The following DSE variants were observed in gnomAD, a reference collection of about 807,000 sequenced individuals.
The protein encoded by DSE is dermatan sulfate epimerase.
A neutral mutation model predicts 84.4 loss-of-function variants in DSE; 36 were observed. The ratio of observed to expected loss-of-function variants is 0.43; its 90% CI spans 0.33 to 0.56. The LOEUF (loss-of-function observed/expected upper bound fraction) is 0.56, where lower values mean the gene tolerates loss of function less well. Among genes scored for constraint, DSE ranks in the 20% least tolerant of loss-of-function variants. The pLI is 0.06. For missense variants in DSE, 862 were observed against 1,169.6 expected (o/e 0.74, Z 3.84); for synonymous variants, 410 against 430.1 (o/e 0.95, Z 0.58).
At chr6:116,425,578 G>T (rs1200921508) in intron 2 of DSE, among the ~76,000 whole-genome samples, 1 of 151,678 alleles carries the variant, frequency 6.6e-6, no homozygotes, top group Non-Finnish European at 1.5e-5. Flanking sequence ...CCTGGAAAAT[G>T]ACAATGTAAT....
intron 2 of DSE, among the ~76,000 whole-genome samples, chr6:116,285,843 T>C (rs1045457235): frequency 6.6e-6 from 1 of 152,216 alleles, no homozygotes; most frequent in Non-Finnish European, 1.5e-5. Flanking sequence ...ATGTGTGGTA[T>C]TATTTCTGAG....
intron 2 of DSE, among the ~76,000 whole-genome samples, chr6:116,342,867 C>T (rs1476652183): frequency 6.6e-6 from 1 of 152,110 alleles, no homozygotes; most frequent in Admixed American, 6.5e-5. Context: ...CTGGGAAGCG[C>T]AAGGGGTCAG....
At chr6:116,321,836 C>T (rs1458664426) in intron 2 of DSE, among the ~76,000 whole-genome samples, 1 of 152,150 alleles carries the variant, frequency 6.6e-6, no homozygotes, top group Non-Finnish European at 1.5e-5. Context: ...CTCCCCTATA[C>T]TGTGTCATAA....
chr6:116,396,865 G>A (rs994454975), intron 1 of DSE, among the ~76,000 whole-genome samples: 1 of 152,128 alleles, frequency 6.6e-6, no homozygotes, highest in African/African-American at 2.4e-5. Context: ...GGAGGACAAA[G>A]AACATGATGA....
rs559675323 is a variant in DSE, at chr6:116,403,332, C to T, written c.416+3666C>T. 2.6e-5 allele frequency among the ~76,000 whole-genome samples: 4 copies of T among 151,438 alleles called. No homozygotes were observed. The East Asian group carries it at 7.7e-4, about 29-fold the overall frequency. On this transcript the variant is annotated intron_variant, in intron 2 of 5. Transcript: ENST00000644252. ...AAAATTAAAAAGGTATTATTTTAAT[C>T]CAATATATAATGGCAAAATATTCTT...
chr6:116,418,232 G>A (rs1299431181), intron 2 of DSE, among the ~76,000 whole-genome samples: 2 of 152,184 alleles, frequency 1.3e-5, no homozygotes. Context: ...TCAACAGGGA[G>A]AGGGTCATCT....
At chr6:116,346,450 C>G (rs1777974154) in intron 2 of DSE, among the ~76,000 whole-genome samples, 1 of 152,218 alleles carries the variant, frequency 6.6e-6, no homozygotes, top group Non-Finnish European at 1.5e-5. Context: ...CCCTGGGATA[C>G]AAGGCTGGTT....
chr6:116,392,110 G>A (rs1324507444), intron 1 of DSE, among the ~76,000 whole-genome samples: 1 of 152,164 alleles, frequency 6.6e-6, no homozygotes, highest in African/African-American at 2.4e-5. Flanking sequence ...GAAATAGTAT[G>A]TGAGACCACA....
chr6:116,367,045 G>A (rs1373316576), upstream of DSE: 2 of 152,254 alleles, frequency 1.3e-5, no homozygotes, highest in Non-Finnish European at 2.9e-5. Flanking sequence ...GTCATCTGGA[G>A]ATGAAGCAGT....
At chr6:116,365,253 G>A (rs928692881) in intron 2 of DSE, among the ~76,000 whole-genome samples, 2 of 151,282 alleles carry the variant, frequency 1.3e-5, no homozygotes, top group African/African-American at 4.9e-5. Flanking sequence ...CTGGGGCATC[G>A]GAAGTTCTTT....
At chr6:116,401,699 A>T (rs1354863143) in intron 2 of DSE, among the ~76,000 whole-genome samples, 24 of 152,166 alleles carry the variant, frequency 1.6e-4, no homozygotes, top group Non-Finnish European at 2.9e-5. Context: ...TTACAACACA[A>T]TTATGTGCTG....
chr6:116,412,509 A>T (rs1368307529), intron 2 of DSE: 1 of 152,366 alleles, frequency 6.6e-6, no homozygotes. Flanking sequence ...CTCCCACTGA[A>T]GCAGCCCTCC....
chr6:116,347,942 T>G (rs1778086462), intron 2 of DSE, among the ~76,000 whole-genome samples: 1 of 151,212 alleles, frequency 6.6e-6, no homozygotes, highest in Non-Finnish European at 1.5e-5. Context: ...TTAAACAAAT[T>G]TATGAGAAAT....
At chr6:116,278,407 G>C (rs1331822379) in intron 2 of DSE, 8 of 1,461,048 alleles carry the variant, frequency 5.5e-6, no homozygotes, top group Non-Finnish European at 6.7e-6. Flanking sequence ...GTGCAGAAAA[G>C]TCAGCAAAAA....
intron 2 of DSE, among the ~76,000 whole-genome samples, chr6:116,289,186 T>C (rs1054823450): frequency 6.6e-6 from 1 of 152,062 alleles, no homozygotes; most frequent in African/African-American, 2.4e-5. Context: ...CAATAAAATG[T>C]GTACTTGGTG....
At chr6:116,306,822 G>C (rs76138980) in intron 2 of DSE, among the ~76,000 whole-genome samples, 2 of 152,244 alleles carry the variant, frequency 1.3e-5, no homozygotes, top group Non-Finnish European at 2.9e-5. Context: ...TGCCCTAAGA[G>C]CTCTCTTTGC....
chr6:116,382,055 G>GTGTGTA (rs1401281794), intron 1 of DSE, among the ~76,000 whole-genome samples: 1 of 151,774 alleles, frequency 6.6e-6, no homozygotes, highest in East Asian at 1.9e-4. Context: ...GTGTGTGTGT[G>GTGTGTA]TGTGTGTGTG....
chr6:116,436,143 A>G lies in DSE; in HGVS notation c.1675A>G (p.Ile559Val). The G allele has an allele frequency of 6.2e-7, 1 of 1,612,748 alleles. No individual in the cohort carries two copies. Among genetic ancestry groups the G allele is most frequent in the Non-Finnish European group, 8.5e-7 (1 of 1,179,744 alleles). The change falls in exon 6 of 6, where the codon ATC (isoleucine) becomes GTC (valine). Residue 559 changes from isoleucine to valine, a missense_variant. Ile to Val is a conservative substitution (Grantham distance 29, BLOSUM62 3). Around this residue, in one of 4 missense-constraint regions of DSE, gnomAD observed 186 missense variants for 255.1 expected, o/e 0.73. Transcript: ENST00000644252. ...LNLKNVQRNL[I>V]LLHPQLLLLV... ...CCTGAAGAATGTTCAGAGGAATCTC[A>G]TCCTCCTACATCCACAGCTGCTTCT...
At chr6:116,298,140 T>A (rs939966631) in intron 2 of DSE, among the ~76,000 whole-genome samples, 3 of 152,204 alleles carry the variant, frequency 2.0e-5, no homozygotes, top group Non-Finnish European at 4.4e-5. Context: ...TCTGTAGAGT[T>A]AATGCCAGTA....
Sources: allele counts gnomAD v4.1 joint callset (sites outside exome capture counted in the v4.1 genomes callset), GRCh38; gene constraint gnomAD v4.1.1; regional missense constraint gnomAD v4.1.1; transcripts MANE v1.5; gene names NCBI Gene and HGNC (gene_info 2026-07-23, HGNC 2026-07-21).